RFX3: variants seen among roughly 807,000 people sequenced by gnomAD.
RFX3 encodes the protein regulatory factor X3.
Under a neutral mutation model 98.6 loss-of-function variants are expected in RFX3, and 14 were observed. That is an observed-to-expected ratio of 0.14 (90% confidence interval 0.09 to 0.22). The LOEUF is 0.22. RFX3 is among the 10% of genes least tolerant of loss of function. The pLI, the probability that RFX3 is intolerant of heterozygous loss-of-function variation, is 1.00. For missense variants in RFX3, 639 were observed against 926.9 expected, an observed-to-expected ratio of 0.69 and a Z score of 4.03; for synonymous variants, 383 against 328.4, an observed-to-expected ratio of 1.17 and a Z score of -1.80.
rs875135 is a variant in RFX3 at position 3,273,075 on chromosome 9, A to G, written c.1087-1957T>C. Among the ~76,000 whole-genome samples, 57 of 152,288 alleles carry G rather than the reference A, an allele frequency of 3.7e-4. No individual in the cohort carries two copies. In the South Asian group the frequency reaches 9.1e-3, roughly 24 times the overall value. On this transcript the variant is annotated intron_variant, in intron 9 of 16. Transcript: ENST00000617270. ...TTACACATGAATAAAACATTTTATC[A>G]TTTGTCCACCTACTTTCAAATATGT...
intron 7 of RFX3, among the ~76,000 whole-genome samples, chr9:3,284,481 T>A (rs995018938): frequency 2.6e-5 from 4 of 151,724 alleles, no homozygotes; most frequent in African/African-American, 9.7e-5. Context: ...GAAGTTTTTT[T>A]TAAAAAAACT....
chr9:3,486,951 T>C (rs1377980636), intron 1 of RFX3, among the ~76,000 whole-genome samples: 4 of 152,196 alleles, frequency 2.6e-5, no homozygotes, highest in African/African-American at 9.7e-5. Flanking sequence ...TCTAGAATTC[T>C]ACAATATGAA....
intron 1 of RFX3, among the ~76,000 whole-genome samples, chr9:3,515,039 C>T (rs755466824): frequency 2.6e-5 from 4 of 152,146 alleles, no homozygotes; most frequent in Non-Finnish European, 2.9e-5. Context: ...ACAGATTTTA[C>T]TCTTTGGTTA....
intron 3 of RFX3, among the ~76,000 whole-genome samples, chr9:3,341,411 A>G (rs1041499906): frequency 2.3e-5 from 3 of 131,406 alleles, no homozygotes; most frequent in African/African-American, 1.2e-4. Flanking sequence ...TAATAATAAT[A>G]AAATTAAAAA....
chr9:3,236,482 G>C (rs763134201), intron 15 of RFX3, among the ~76,000 whole-genome samples: 1 of 152,198 alleles, frequency 6.6e-6, no homozygotes, highest in Non-Finnish European at 1.5e-5. Flanking sequence ...TGGTCCTCTG[G>C]ACAGTTTCAT....
At chr9:3,309,225 G>T (rs1829687114) in intron 4 of RFX3, among the ~76,000 whole-genome samples, 1 of 152,120 alleles carries the variant, frequency 6.6e-6, no homozygotes, top group South Asian at 2.1e-4. Context: ...TTAGGATTAG[G>T]AATTCAGAAA....
At chr9:3,446,635 T>A (rs1300852983) in intron 1 of RFX3, among the ~76,000 whole-genome samples, 2 of 152,188 alleles carry the variant, frequency 1.3e-5, no homozygotes, top group South Asian at 4.1e-4. Flanking sequence ...TCTCACCATT[T>A]AAAATTTCAG....
chr9:3,435,081 G>A (rs1419828974), intron 1 of RFX3, among the ~76,000 whole-genome samples: 1 of 151,752 alleles, frequency 6.6e-6, no homozygotes, highest in African/African-American at 2.4e-5. Context: ...TAACAGAAAT[G>A]GAACCTATAG....
chr9:3,232,608 C>T (rs1818613820), intron 15 of RFX3, among the ~76,000 whole-genome samples: 1 of 152,230 alleles, frequency 6.6e-6, no homozygotes, highest in Non-Finnish European at 1.5e-5. Context: ...AATGAATTTA[C>T]TTCCTCATTT....
chr9:3,506,605 A>T (rs1321505800), intron 1 of RFX3, among the ~76,000 whole-genome samples: 1 of 151,938 alleles, frequency 6.6e-6, no homozygotes. Flanking sequence ...CCAACTTCTG[A>T]AAGTAAGATA....
intron 1 of RFX3, among the ~76,000 whole-genome samples, chr9:3,489,647 A>G (rs1207714775): frequency 1.3e-5 from 2 of 152,318 alleles, no homozygotes; most frequent in Admixed American, 6.5e-5. Flanking sequence ...CTTAATGTTT[A>G]GTCTATGAAA....
intron 3 of RFX3, among the ~76,000 whole-genome samples, chr9:3,333,458 T>C (rs1027058010): frequency 8.1e-5 from 12 of 148,792 alleles, no homozygotes; most frequent in African/African-American, 2.7e-4. Context: ...TTTTTCCAGA[T>C]AGAAAAATGT....
intron 15 of RFX3, chr9:3,247,049 CT>C: frequency 1.0e-6 from 1 of 980,494 alleles, no homozygotes; most frequent in Non-Finnish European, 1.2e-6. Flanking sequence ...TGTTTTCACT[CT>C]TTTTTATTTA....
chr9:3,275,324 A>G, intron 9 of RFX3, 176 bp downstream of exon 9: 1 of 456,908 alleles, frequency 2.2e-6, no homozygotes. Context: ...TGCATTCCTC[A>G]TCTCTCCACT....
Position 3,255,518 on chromosome 9 carries a change from G to A in RFX3, c.1814+1473C>T, listed in dbSNP as rs549600381. On this transcript the variant is annotated intron_variant, in intron 14 of 16. Coordinates refer to ENST00000617270, the MANE Select transcript of RFX3 (RefSeq NM_001282116.2). ...CAGTAGAGACTGCCTATACTTTACAGCAGATATTAATCTTAGGGCCAAATC... is the reference window on the plus strand; with the variant it reads ...CAGTAGAGACTGCCTATACTTTACAACAGATATTAATCTTAGGGCCAAATC... Among the ~76,000 whole-genome samples, 3 of 152,186 alleles carry A rather than the reference G, an allele frequency of 2.0e-5. No homozygotes were observed. The South Asian group carries it at 6.2e-4, about 31-fold the overall frequency.
chr9:3,304,624 T>G (rs2986692), intron 4 of RFX3, among the ~76,000 whole-genome samples: 2,542 of 151,530 alleles, frequency 0.017, 70 homozygotes, highest in African/African-American at 0.058. Flanking sequence ...TGGTAGTGAG[T>G]AAGTCTCACG....
intron 1 of RFX3, among the ~76,000 whole-genome samples, chr9:3,404,074 A>G (rs1841734739): frequency 6.6e-6 from 1 of 152,202 alleles, no homozygotes; most frequent in Non-Finnish European, 1.5e-5. Context: ...AATACTGTAT[A>G]ATAACATTGC....
intron 1 of RFX3, among the ~76,000 whole-genome samples, chr9:3,518,099 C>G (rs1055843716): frequency 6.6e-6 from 1 of 152,158 alleles, no homozygotes; most frequent in Non-Finnish European, 1.5e-5. Context: ...GGTTTATAGA[C>G]GAGAACAATA....
At chr9:3,486,876 A>G (rs1850325901) in intron 1 of RFX3, among the ~76,000 whole-genome samples, 1 of 152,192 alleles carries the variant, frequency 6.6e-6, no homozygotes, top group South Asian at 2.1e-4. Flanking sequence ...GACTGTTACA[A>G]TAAGATTTAA....
Sources: allele counts gnomAD v4.1 joint callset (sites outside exome capture counted in the v4.1 genomes callset), GRCh38; gene constraint gnomAD v4.1.1; transcripts MANE v1.5; gene names NCBI Gene and HGNC (gene_info 2026-07-23, HGNC 2026-07-21).